MORC1: variants seen among roughly 807,000 people sequenced by gnomAD.
The protein encoded by MORC1 is MORC family CW-type zinc finger 1, also known as MORC family CW-type zinc finger protein 1.
MORC1 carries 59 observed loss-of-function variants against 134.9 expected under a neutral mutation model. That is an observed-to-expected ratio of 0.44 (90% CI 0.35 to 0.54). MORC1 has a LOEUF of 0.54. Among genes scored for constraint, MORC1 ranks in the 20% least tolerant of loss-of-function variants. The pLI is 0.00. For synonymous variants in MORC1, 395 were observed against 391.7 expected (o/e 1.01, Z -0.10); for missense variants, 947 against 1,134.5 (o/e 0.83, Z 2.37).
intron 23 of MORC1, among the ~76,000 whole-genome samples, chr3:108,982,451 A>G (rs1157474475): frequency 6.6e-6 from 1 of 151,990 alleles, no homozygotes; most frequent in Non-Finnish European, 1.5e-5. Flanking sequence ...CACAATGCAC[A>G]CGTATGTTTA....
intron 8 of MORC1, among the ~76,000 whole-genome samples, chr3:109,080,592 T>G (rs1950503285): frequency 6.6e-6 from 1 of 152,186 alleles, no homozygotes; most frequent in Admixed American, 6.6e-5. Context: ...AAAAGAAGAT[T>G]GGAATAAGAA....
chr3:109,041,558 A>G (rs1179110855), intron 14 of MORC1, among the ~76,000 whole-genome samples: 1 of 152,012 alleles, frequency 6.6e-6, no homozygotes, highest in Non-Finnish European at 1.5e-5. Context: ...TAAAAATGCA[A>G]AAAAATTAGC....
chr3:108,967,708 G>A (rs557739425), intron 26 of MORC1, among the ~76,000 whole-genome samples: 12 of 152,260 alleles, frequency 7.9e-5, no homozygotes, highest in African/African-American at 2.9e-4. Flanking sequence ...AGATGAAATA[G>A]CCAGGTGTGG....
At chr3:108,976,647 C>G (rs1947571474) in intron 24 of MORC1, among the ~76,000 whole-genome samples, 1 of 152,148 alleles carries the variant, frequency 6.6e-6, no homozygotes. Context: ...ATCCTGTGTT[C>G]TGTCCAAATT....
chr3:109,049,524 A>G (rs1949771867), intron 14 of MORC1, among the ~76,000 whole-genome samples: 1 of 152,210 alleles, frequency 6.6e-6, no homozygotes, highest in South Asian at 2.1e-4. Flanking sequence ...CACATTAGTT[A>G]GAAGTTAGCA....
chr3:109,116,831 A>G (rs1223637145), intron 1 of MORC1, among the ~76,000 whole-genome samples: 1 of 152,134 alleles, frequency 6.6e-6, no homozygotes, highest in Non-Finnish European at 1.5e-5. Context: ...TTCCATTTGT[A>G]TCTAATTTTG....
At chr3:108,967,626 T>G (rs1301441454) in intron 26 of MORC1, among the ~76,000 whole-genome samples, 1 of 152,224 alleles carries the variant, frequency 6.6e-6, no homozygotes, top group African/African-American at 2.4e-5. Flanking sequence ...TGAGAAGTTG[T>G]AATATACTTA....
intron 24 of MORC1, among the ~76,000 whole-genome samples, chr3:108,973,752 A>C (rs1269691402): frequency 1.3e-5 from 2 of 151,102 alleles, no homozygotes; most frequent in Non-Finnish European, 3.0e-5. Context: ...GCACGCCACC[A>C]CACCCAGCTC....
intron 14 of MORC1, among the ~76,000 whole-genome samples, chr3:109,053,190 G>A (rs1275072840): frequency 2.0e-5 from 3 of 151,490 alleles, no homozygotes; most frequent in South Asian, 2.1e-4. Context: ...AATTTGTCTC[G>A]CCACTATGGA....
intron 1 of MORC1, among the ~76,000 whole-genome samples, chr3:109,115,840 G>A (rs1951260454): frequency 6.6e-6 from 1 of 152,210 alleles, no homozygotes; most frequent in African/African-American, 2.4e-5. Context: ...TGATATTACA[G>A]ATTTTGACTG....
intron 15 of MORC1, 65 bp from the exon 16 acceptor site, chr3:109,032,890 A>G (rs1576655522): frequency 1.9e-6 from 2 of 1,029,684 alleles, no homozygotes; most frequent in African/African-American, 3.2e-5. Flanking sequence ...GTAAGATGTC[A>G]GTTTGCACAT....
Position 108,982,055 on chromosome 3 carries a change from T to C in MORC1, c.2325-2388A>G, listed in dbSNP as rs145712773. ...AATCTACAAAGAACTCAAACAAATG[T>C]ACAAGAAATAAACAACCCCATCAAA... On this transcript the variant is annotated intron_variant, in intron 23 of 27. Transcript: ENST00000232603. Among the ~76,000 whole-genome samples, 1,169 of 152,152 alleles carry C rather than the reference T, an allele frequency of 7.7e-3. 10 individuals carry two copies. Among genetic ancestry groups the C allele is most frequent in the African/African-American group, 0.017 (713 of 41,508 alleles).
intron 8 of MORC1, among the ~76,000 whole-genome samples, chr3:109,079,113 A>T (rs1349756698): frequency 6.6e-6 from 1 of 152,072 alleles, no homozygotes; most frequent in Non-Finnish European, 1.5e-5. Context: ...TTCCCAACTC[A>T]TTCTATGAGG....
intron 6 of MORC1, among the ~76,000 whole-genome samples, chr3:109,096,248 A>G (rs1950829037): frequency 6.6e-6 from 1 of 152,192 alleles, no homozygotes; most frequent in Non-Finnish European, 1.5e-5. Flanking sequence ...GAGTGACTCC[A>G]TCTTGAACAG....
chr3:109,036,933 T>C (rs1203392312), intron 14 of MORC1, among the ~76,000 whole-genome samples: 1 of 152,196 alleles, frequency 6.6e-6, no homozygotes, highest in Non-Finnish European at 1.5e-5. Flanking sequence ...AATACTAATC[T>C]GCCGTGTTGA....
At chr3:109,008,258 C>T (rs959566081) in intron 17 of MORC1, among the ~76,000 whole-genome samples, 3 of 151,990 alleles carry the variant, frequency 2.0e-5, no homozygotes, top group African/African-American at 7.2e-5. Flanking sequence ...TGAATATGTC[C>T]ATATAATCAA....
intron 27 of MORC1, among the ~76,000 whole-genome samples, chr3:108,961,119 A>G (rs920299595): frequency 5.9e-5 from 9 of 152,308 alleles, no homozygotes; most frequent in African/African-American, 2.2e-4. Context: ...CTCCAACTGA[A>G]CGAACAGATA....
chr3:109,077,108 C>T (rs908606737), intron 8 of MORC1, among the ~76,000 whole-genome samples: 2 of 151,936 alleles, frequency 1.3e-5, no homozygotes, highest in Non-Finnish European at 2.9e-5. Flanking sequence ...GTCAAAGAAG[C>T]AAATAGTTCT....
At chr3:108,999,996 C>G (rs1318112836) in intron 21 of MORC1, among the ~76,000 whole-genome samples, 2 of 152,082 alleles carry the variant, frequency 1.3e-5, no homozygotes, top group Non-Finnish European at 2.9e-5. Flanking sequence ...GCTTTTTACA[C>G]TTGGTTCAGT....
Sources: gnomAD v4.1 joint callset for allele counts (sites outside exome capture counted in the v4.1 genomes callset) on GRCh38, gnomAD v4.1.1 for gene constraint, MANE v1.5 for transcripts, NCBI Gene and HGNC (gene_info 2026-07-23, HGNC 2026-07-21) for gene names.